The following DNAH12 variants were observed in gnomAD, a reference collection of about 807,000 sequenced individuals.
The protein encoded by DNAH12 is axonemal beta dynein heavy chain 12.
In DNAH12, 285 loss-of-function variants were observed where a neutral mutation model predicts 371.5. The ratio of observed to expected loss-of-function variants is 0.77; its 90% confidence interval spans 0.70 to 0.85. The LOEUF (loss-of-function observed/expected upper bound fraction) is 0.85, where lower values mean the gene tolerates loss of function less well. Ranked by LOEUF, DNAH12 falls within the 40% of genes least tolerant of loss-of-function variation. The pLI is 0.00. For missense variants in DNAH12, 3,611 were observed against 3,689.4 expected (o/e 0.98, Z 0.55); for synonymous variants, 1,200 against 1,213.0 (o/e 0.99, Z 0.22).
chr3:57,330,973 AAT>A (rs1279324053), intron 62 of DNAH12, among the ~76,000 whole-genome samples: 1 of 152,202 alleles, frequency 6.6e-6, no homozygotes, highest in African/African-American at 2.4e-5. Context: ...AGAAGGCCTG[AAT>A]AATATAGGCT....
chr3:57,527,206 A>C (rs1477492254), intron 2 of DNAH12, among the ~76,000 whole-genome samples: 5 of 152,178 alleles, frequency 3.3e-5, no homozygotes, highest in African/African-American at 7.2e-5. Context: ...GCATTGCTAT[A>C]AATAACTAAG....
intron 69 of DNAH12, among the ~76,000 whole-genome samples, chr3:57,307,078 C>T (rs1026043822): frequency 1.1e-4 from 16 of 152,252 alleles, no homozygotes; most frequent in Admixed American, 4.6e-4. Context: ...TCTTCAGTCA[C>T]GCCCAAATTT....
intron 32 of DNAH12, among the ~76,000 whole-genome samples, chr3:57,431,660 G>T (rs745703428): frequency 6.6e-6 from 1 of 152,014 alleles, no homozygotes; most frequent in Non-Finnish European, 1.5e-5. Flanking sequence ...ATATTTCCAG[G>T]CCTACAATAT....
chr3:57,331,648 G>A (rs111388828), intron 62 of DNAH12, among the ~76,000 whole-genome samples: 131 of 152,220 alleles, frequency 8.6e-4, no homozygotes, highest in Admixed American at 5.7e-3. Flanking sequence ...AAAAAAAGAA[G>A]GAAGAAACGA....
intron 60 of DNAH12, among the ~76,000 whole-genome samples, chr3:57,338,215 T>G (rs1434474636): frequency 6.6e-6 from 1 of 152,232 alleles, no homozygotes; most frequent in African/African-American, 2.4e-5. Context: ...TTTTGCTGTG[T>G]TGGCCGGGCT....
Position 57,345,002 on chromosome 3 carries a change from A to C in DNAH12, c.9674+7083T>G, listed in dbSNP as rs550825898. On this transcript the variant is annotated intron_variant, in intron 60 of 73. Transcript: ENST00000495027. ...CCCAAAACTTAACTACTAGTAGTCT[A>C]TTGTTGACTGAAAATCTTACTGATA... Among the ~76,000 whole-genome samples the C allele has an allele frequency of 1.8e-4, 27 of 150,368 alleles. 1 individual carries two copies. The South Asian group carries it at 5.8e-3, about 32-fold the overall frequency.
intron 66 of DNAH12, among the ~76,000 whole-genome samples, chr3:57,313,199 C>A (rs1003872131): frequency 5.9e-5 from 9 of 152,142 alleles, no homozygotes; most frequent in African/African-American, 2.2e-4. Context: ...CAGATGCGTC[C>A]ACCTTAAACT....
chr3:57,463,416 C>G (rs1279105322), intron 17 of DNAH12, among the ~76,000 whole-genome samples: 1 of 151,892 alleles, frequency 6.6e-6, no homozygotes, highest in African/African-American at 2.4e-5. Flanking sequence ...CAAAATGTAA[C>G]AATGTTTTAT....
intron 9 of DNAH12, among the ~76,000 whole-genome samples, 158 bp from the exon 10 acceptor site, chr3:57,502,637 C>G (rs1276953983): frequency 6.6e-6 from 1 of 152,114 alleles, no homozygotes; most frequent in African/African-American, 2.4e-5. Context: ...GCAACCTCCG[C>G]CTCCCAGGTT....
chr3:57,425,111 C>T lies in DNAH12; in HGVS notation c.5284G>A (p.Val1762Ile), dbSNP rs745377622. The change falls in exon 35 of 74, where the codon GTT (valine) becomes ATT (isoleucine). Residue 1762 changes from valine to isoleucine, a missense_variant. Around this residue, in one of 3 missense-constraint regions of DNAH12, gnomAD observed 2,266 missense variants for 2,236.9 expected, o/e 1.01. Coordinates refer to ENST00000495027, the MANE Select transcript of DNAH12 (RefSeq NM_001366028.2). ...TCAAAGAGGCGTGTGAGAGATACAA[C>T]CACGTTGCTGTTGCTTGTAGGAATC... ...ELIPTSNSNVVVSLTRLFEVL... is the reference protein window; with the variant it reads ...ELIPTSNSNVIVSLTRLFEVL... The T allele has an allele frequency of 2.6e-5, 18 of 702,538 alleles. No individual in the cohort carries two copies. The highest frequency in any genetic ancestry group is 5.2e-6 in the Non-Finnish European group (2 of 384,854). 43.5% of individuals were successfully genotyped at this position (702,538 alleles called of 1,614,324 possible). A position where few individuals can be genotyped will look rare whatever the true frequency, so the allele number is the denominator to read the frequency against.
rs1036601008 is a variant in DNAH12 at position 57,405,914 on chromosome 3, G to A, written c.6315C>T (p.Pro2105=). ...KQSVENLLPT[P]TKSHYTFNLR... The stretch of plus-strand genomic sequence containing the variant: ...AGTTGAAAGTATAATGGGATTTTGT[G>A]GGAGTGGGTAAAAGATTTTCCACAG... The change falls in exon 41 of 74, where the codon CCC becomes CCT. Residue 2105 remains proline, a synonymous_variant. Coordinates refer to ENST00000495027, the MANE Select transcript of DNAH12 (RefSeq NM_001366028.2). 6.5e-7 allele frequency: 1 copy of A among 1,547,286 alleles called. No individual in the cohort carries two copies.
chr3:57,367,175 A>C (rs2063068590), intron 56 of DNAH12, among the ~76,000 whole-genome samples: 1 of 152,124 alleles, frequency 6.6e-6, no homozygotes, highest in South Asian at 2.1e-4. Context: ...TAAAAATACT[A>C]AAAAAATTAG....
intron 62 of DNAH12, among the ~76,000 whole-genome samples, chr3:57,333,752 A>G (rs1266380386): frequency 6.6e-6 from 1 of 152,214 alleles, no homozygotes; most frequent in East Asian, 1.9e-4. Flanking sequence ...ACAGAACTCA[A>G]CAATCTTTAT....
chr3:57,498,601 T>C (rs1019668375), intron 11 of DNAH12: 1 of 713,788 alleles, frequency 1.4e-6, no homozygotes, highest in African/African-American at 1.8e-5. Flanking sequence ...CCATAGTAAC[T>C]TTATTCATAA....
In DNAH12 at chr3:57,415,440, C is replaced by T. The variant is rs781730942; in HGVS notation, c.5839G>A (p.Ala1947Thr). The change falls in exon 38 of 74, where the codon GCC becomes ACC. Residue 1947 changes from alanine (A) to threonine (T), a missense_variant. Transcript: ENST00000495027. ...FYINLSARTS[A>T]NQVQNIIMAR... ...TTTAAACTAACCTGAACCTGATTGGCGCTGGTCCGTGCAGATAAGTTAATA... is the reference window on the plus strand; with the variant it reads ...TTTAAACTAACCTGAACCTGATTGGTGCTGGTCCGTGCAGATAAGTTAATA... 2.1e-5 allele frequency: 32 copies of T among 1,549,574 alleles called. No homozygotes were observed. Among genetic ancestry groups the T allele is most frequent in the African/African-American group, 1.6e-4 (12 of 72,922 alleles).
At chr3:57,476,425 G>C (rs1024288814) in intron 13 of DNAH12, among the ~76,000 whole-genome samples, 1 of 152,004 alleles carries the variant, frequency 6.6e-6, no homozygotes, top group African/African-American at 2.4e-5. Context: ...TTAGCCAGGC[G>C]TGGTGGCGGG....
intron 60 of DNAH12, among the ~76,000 whole-genome samples, chr3:57,345,189 A>G (rs1553657662): frequency 1.3e-5 from 2 of 152,220 alleles, no homozygotes; most frequent in African/African-American, 4.8e-5. Context: ...ACAAGATGAA[A>G]TGTCTGTCTG....
intron 70 of DNAH12, among the ~76,000 whole-genome samples, chr3:57,300,650 A>C (rs2061326063): frequency 6.6e-6 from 1 of 152,172 alleles, no homozygotes; most frequent in Non-Finnish European, 1.5e-5. Flanking sequence ...GATTGGCAAA[A>C]ATTTTAAAGC....
At chr3:57,304,672 G>A (rs778514697) in intron 69 of DNAH12, among the ~76,000 whole-genome samples, 1 of 152,120 alleles carries the variant, frequency 6.6e-6, no homozygotes, top group Non-Finnish European at 1.5e-5. Context: ...CGTTTCAGAG[G>A]TGTCTGACCA....
Sources: gnomAD v4.1 joint callset for allele counts (sites outside exome capture counted in the v4.1 genomes callset) on GRCh38, gnomAD v4.1.1 for gene constraint, gnomAD v4.1.1 regional missense constraint, MANE v1.5 for transcripts, NCBI Gene and HGNC (gene_info 2026-07-23, HGNC 2026-07-21) for gene names.